SNTG1: variants seen among roughly 807,000 people sequenced by gnomAD.
The protein encoded by SNTG1 is gamma-1-syntrophin.
A neutral mutation model predicts 74.7 loss-of-function variants in SNTG1; 39 were observed. The ratio of observed to expected loss-of-function variants is 0.52; its 90% CI spans 0.40 to 0.68. SNTG1 has a LOEUF of 0.68. Ranked by LOEUF, SNTG1 falls within the 30% of genes least tolerant of loss-of-function variation. SNTG1 has a pLI of 0.00. For missense variants in SNTG1, 685 were observed against 609.5 expected, an observed-to-expected ratio of 1.12 and a Z score of -1.30; for synonymous variants, 254 against 217.1, an observed-to-expected ratio of 1.17 and a Z score of -1.49.
At chr8:50,783,062 T>C (rs372092541) in intron 18 of SNTG1, among the ~76,000 whole-genome samples, 10 of 152,118 alleles carry the variant, frequency 6.6e-5, no homozygotes, top group South Asian at 4.2e-4. Flanking sequence ...GTTCCTCTGA[T>C]AGTTTTGTCT....
intron 18 of SNTG1, among the ~76,000 whole-genome samples, chr8:50,774,474 G>A (rs1220915472): frequency 2.6e-5 from 4 of 151,706 alleles, no homozygotes; most frequent in Non-Finnish European, 5.9e-5. Flanking sequence ...AAACAAAAAG[G>A]CTGTCATATA....
intron 1 of SNTG1, among the ~76,000 whole-genome samples, chr8:49,953,964 C>A (rs768141874): frequency 2.0e-5 from 3 of 152,036 alleles, no homozygotes; most frequent in African/African-American, 7.2e-5. Context: ...CAAAAATGTT[C>A]TAGATTGAAA....
chr8:50,703,689 C>T (rs2131525494), intron 15 of SNTG1, among the ~76,000 whole-genome samples: 1 of 152,100 alleles, frequency 6.6e-6, no homozygotes, highest in African/African-American at 2.4e-5. Context: ...ATCGTATGTG[C>T]TAGACTTACA....
At chr8:50,348,120 G>A (rs2091536787) in intron 2 of SNTG1, among the ~76,000 whole-genome samples, 1 of 152,174 alleles carries the variant, frequency 6.6e-6, no homozygotes, top group South Asian at 2.1e-4. Flanking sequence ...CCTGGGATAG[G>A]TACCTAGGTT....
intron 11 of SNTG1, among the ~76,000 whole-genome samples, chr8:50,542,445 C>A (rs1384680376): frequency 6.6e-6 from 1 of 152,090 alleles, no homozygotes; most frequent in Non-Finnish European, 1.5e-5. Flanking sequence ...GCATGAGCCA[C>A]CGCACCTGGC....
intron 2 of SNTG1, among the ~76,000 whole-genome samples, chr8:50,385,493 A>G (rs982424817): frequency 6.6e-6 from 1 of 152,180 alleles, no homozygotes; most frequent in African/African-American, 2.4e-5. Flanking sequence ...TGACACACAA[A>G]TGTCTTGTTA....
intron 1 of SNTG1, among the ~76,000 whole-genome samples, chr8:49,971,685 A>G (rs1357997622): frequency 1.3e-5 from 2 of 152,200 alleles, no homozygotes; most frequent in Non-Finnish European, 2.9e-5. Context: ...TACAAAATCA[A>G]TGTGCAAAAA....
At chr8:50,551,218 T>TA (rs944879151) in intron 11 of SNTG1, among the ~76,000 whole-genome samples, 5 of 152,224 alleles carry the variant, frequency 3.3e-5, no homozygotes, top group East Asian at 1.9e-4. Context: ...TCATATGTAA[T>TA]AAAAAAACTG....
intron 9 of SNTG1, among the ~76,000 whole-genome samples, chr8:50,517,330 A>G (rs1320569928): frequency 6.6e-6 from 1 of 152,220 alleles, no homozygotes; most frequent in African/African-American, 2.4e-5. Flanking sequence ...GATACCAGCC[A>G]CTGCAAAAGT....
chr8:49,925,662 T>G (rs1806957190), intron 1 of SNTG1, among the ~76,000 whole-genome samples: 1 of 152,226 alleles, frequency 6.6e-6, no homozygotes, highest in Non-Finnish European at 1.5e-5. Context: ...TTTGTCATTT[T>G]GAGAATGTTA....
At chr8:50,483,436 C>T (rs569893279) in intron 8 of SNTG1, among the ~76,000 whole-genome samples, 111 of 152,026 alleles carry the variant, frequency 7.3e-4, no homozygotes, top group South Asian at 1.3e-3. Context: ...CTCAAAGAAA[C>T]CACTGTTTTC....
At chr8:50,362,578 A>G (rs558599765) in intron 2 of SNTG1, among the ~76,000 whole-genome samples, 1 of 152,242 alleles carries the variant, frequency 6.6e-6, no homozygotes, top group East Asian at 1.9e-4. Flanking sequence ...CAGATGAGCA[A>G]ACTAAATCCC....
At chr8:50,665,787 A>G (rs569560506) in intron 15 of SNTG1, among the ~76,000 whole-genome samples, 2 of 152,290 alleles carry the variant, frequency 1.3e-5, no homozygotes, top group East Asian at 3.9e-4. Context: ...CTCAGCAAAT[A>G]AAATAGGAAA....
chr8:50,570,579 ATTATTATTGTTG>A (rs1307841621), intron 12 of SNTG1, among the ~76,000 whole-genome samples: 1 of 48,496 alleles, frequency 2.1e-5, no homozygotes, highest in Non-Finnish European at 4.4e-5. Context: ...TATTATTATT[ATTATTATTGTTG>A]TTATTATTAT....
chr8:50,783,684 T>G (rs944637039), intron 18 of SNTG1, among the ~76,000 whole-genome samples: 8 of 152,172 alleles, frequency 5.3e-5, no homozygotes, highest in Non-Finnish European at 8.8e-5. Context: ...CTTCGGCTTG[T>G]GCACGGTGCG....
At chr8:50,282,993 G>A (rs2088563214) in intron 2 of SNTG1, among the ~76,000 whole-genome samples, 1 of 152,138 alleles carries the variant, frequency 6.6e-6, no homozygotes, top group South Asian at 2.1e-4. Context: ...GATGAATTGG[G>A]TAGTAAACAA....
chr8:50,616,374 G>T (rs1022553655), intron 13 of SNTG1, among the ~76,000 whole-genome samples: 1 of 152,162 alleles, frequency 6.6e-6, no homozygotes, highest in African/African-American at 2.4e-5. Flanking sequence ...TATGGGTCAG[G>T]GTCATAGACT....
chr8:50,301,340 A>G (rs2089635099), intron 2 of SNTG1, among the ~76,000 whole-genome samples: 1 of 152,110 alleles, frequency 6.6e-6, no homozygotes, highest in South Asian at 2.1e-4. Flanking sequence ...CTAGCAGCTC[A>G]TATATACTAT....
intron 12 of SNTG1, among the ~76,000 whole-genome samples, chr8:50,582,897 A>C (rs1001628169): frequency 6.6e-6 from 1 of 152,192 alleles, no homozygotes; most frequent in Non-Finnish European, 1.5e-5. Context: ...CCAAGCTCAA[A>C]GAGCCTATAG....
Sources: allele counts gnomAD v4.1 joint callset (sites outside exome capture counted in the v4.1 genomes callset), GRCh38; gene constraint gnomAD v4.1.1; transcripts MANE v1.5; gene names NCBI Gene and HGNC (gene_info 2026-07-23, HGNC 2026-07-21).